The following LNX2 variants were observed in gnomAD, a reference collection of about 807,000 sequenced individuals.
LNX2 encodes ligand of numb-protein X 2.
A neutral mutation model predicts 66.2 loss-of-function variants in LNX2; 35 were observed. That is an observed-to-expected ratio of 0.53 (90% CI 0.40 to 0.70). LNX2 has a LOEUF of 0.70. LNX2 is among the 30% of genes least tolerant of loss of function. LNX2 has a pLI of 0.00. For missense variants in LNX2, 791 were observed against 850.8 expected (o/e 0.93, Z 0.87); for synonymous variants, 337 against 315.6 (o/e 1.07, Z -0.72).
chr13:27,548,616 C>T (rs1298907855), intron 9 of LNX2, 146 bp from the exon 10 acceptor site: 1 of 909,588 alleles, frequency 1.1e-6, no homozygotes, highest in Non-Finnish European at 1.6e-6. Flanking sequence ...TTGTCTGGGA[C>T]AGCCCTTAAG....
intron 1 of LNX2, among the ~76,000 whole-genome samples, chr13:27,588,021 C>CAAAAAAAAAAAAAAAAA (rs56812051): frequency 2.2e-4 from 21 of 93,512 alleles, no homozygotes; most frequent in African/African-American, 4.2e-4. Flanking sequence ...ACTCTTGTCA[C>CAAAAAAAAAAAAAAAAA]AAAAAAAAAA....
chr13:27,583,208 G>GCGCGCA lies in LNX2; in HGVS notation c.-100-1406_-100-1405insTGCGCG, dbSNP rs751207599. Among the ~76,000 whole-genome samples, 2 of 18,078 alleles carry GCGCGCA rather than the reference G, an allele frequency of 1.1e-4. 1 individual carries two copies. Among genetic ancestry groups the GCGCGCA allele is most frequent in the African/African-American group, 8.7e-4 (2 of 2,296 alleles). 11.9% of individuals were successfully genotyped at this position (18,078 alleles called of 152,430 possible). ...TGTGTGTGTGTGTGTGTGTGTGTGT[G>GCGCGCA]TGTGTGTGTGTGTGTGTGTGTGTGT... On this transcript the variant is annotated intron_variant, in intron 1 of 9. Transcript: ENST00000316334.
intron 1 of LNX2, among the ~76,000 whole-genome samples, chr13:27,606,841 A>G (rs987870507): frequency 7.9e-5 from 12 of 152,208 alleles, no homozygotes; most frequent in African/African-American, 2.9e-4. Flanking sequence ...TAAAGCAGAA[A>G]TGAGAAAGCA....
chr13:27,602,122 A>C (rs79916734), intron 1 of LNX2, among the ~76,000 whole-genome samples: 6,693 of 152,188 alleles, frequency 0.044, 209 homozygotes, highest in Non-Finnish European at 0.067. Context: ...ATACAAAAAA[A>C]ATGTGCAAAA....
At chr13:27,561,317 ACT>A (rs1270671154) in intron 5 of LNX2, among the ~76,000 whole-genome samples, 1 of 151,660 alleles carries the variant, frequency 6.6e-6, no homozygotes, top group Non-Finnish European at 1.5e-5. Context: ...CTCTCACTTG[ACT>A]CTTTTACTCA....
At chr13:27,568,944 T>C in intron 3 of LNX2, 85 bp downstream of exon 3, 1 of 1,391,574 alleles carries the variant, frequency 7.2e-7, no homozygotes, top group Non-Finnish European at 9.5e-7. Context: ...AATTTTTCTT[T>C]AAAGATGAAA....
chr13:27,548,621 C>G (rs544178951), intron 9 of LNX2, 151 bp from the exon 10 acceptor site: 2 of 866,710 alleles, frequency 2.3e-6, no homozygotes, highest in Admixed American at 3.1e-5. Flanking sequence ...TGGGACAGCC[C>G]TTAAGCCTAT....
At chr13:27,596,740 C>T (rs990009747) in intron 1 of LNX2, among the ~76,000 whole-genome samples, 12 of 152,056 alleles carry the variant, frequency 7.9e-5, no homozygotes, top group African/African-American at 2.7e-4. Context: ...TGAAAATATA[C>T]CTTTGTCTAA....
At chr13:27,551,824 T>G (rs951725047) in intron 8 of LNX2, among the ~76,000 whole-genome samples, 1 of 152,116 alleles carries the variant, frequency 6.6e-6, no homozygotes, top group Non-Finnish European at 1.5e-5. Flanking sequence ...TAATGCTGCA[T>G]CTTCTGAAAC....
chr13:27,581,282 A>G lies in LNX2; in HGVS notation c.407+15T>C, dbSNP rs777811130. On this transcript the variant is annotated intron_variant, in intron 2 of 9. Coordinates refer to ENST00000316334, the MANE Select transcript of LNX2 (RefSeq NM_153371.4). Reference sequence around the variant, plus strand: ...TCCAAAATCTGGAGTTACTTCTTTTATATTTTTTGCTTACCTGTTTTTGAG... The same window carrying G: ...TCCAAAATCTGGAGTTACTTCTTTTGTATTTTTTGCTTACCTGTTTTTGAG... The G allele has an allele frequency of 2.1e-6, 3 of 1,462,044 alleles. No individual in the cohort carries two copies. The highest frequency in any genetic ancestry group is 2.8e-5 in the African/African-American group (2 of 70,914). The allele number at this position is 1,462,044 out of a possible 1,614,324, so 90.6% of individuals were successfully genotyped here.
At chr13:27,619,085 A>C (rs917189718) in intron 1 of LNX2, among the ~76,000 whole-genome samples, 3 of 152,246 alleles carry the variant, frequency 2.0e-5, no homozygotes, top group African/African-American at 7.2e-5. Context: ...AAAATTTCAA[A>C]GTTGATGAGA....
intron 2 of LNX2, among the ~76,000 whole-genome samples, chr13:27,573,443 T>TAAAA (rs60543818): frequency 1.4e-5 from 2 of 146,806 alleles, no homozygotes; most frequent in African/African-American, 5.0e-5. Context: ...AAGCATTGGT[T>TAAAA]AAAAAAAAAA....
At chr13:27,589,257 T>C (rs879602006) in intron 1 of LNX2, among the ~76,000 whole-genome samples, 1 of 152,250 alleles carries the variant, frequency 6.6e-6, no homozygotes. Flanking sequence ...TCTGGATATT[T>C]AGCTGCATAG....
intron 5 of LNX2, among the ~76,000 whole-genome samples, chr13:27,561,900 T>C (rs1955140031): frequency 1.3e-5 from 2 of 152,254 alleles, no homozygotes; most frequent in South Asian, 2.1e-4. Context: ...TCCTTACTTA[T>C]GTCACAAAGA....
chr13:27,554,230 T>A (rs533535998), intron 7 of LNX2, among the ~76,000 whole-genome samples: 2 of 152,334 alleles, frequency 1.3e-5, no homozygotes, highest in East Asian at 3.9e-4. Context: ...ACCCCAATAC[T>A]ACAACTGGAC....
Position 27,562,546 on chromosome 13 carries a change from A to G in LNX2, c.1091T>C (p.Val364Ala). ...CCCTTCCAACAGGTCAAGAATAAAA[A>G]CCCCTGGCTCATCTGTCCTTCGCAC... Reference protein sequence around the residue: ...KLVRRTDEPGVFILDLLEGGL... With the variant: ...KLVRRTDEPGAFILDLLEGGL... The change falls in exon 5 of 10, where the codon GTT (valine) becomes GCT (alanine). Residue 364 changes from valine to alanine, a missense_variant. Coordinates refer to ENST00000316334, the MANE Select transcript of LNX2 (RefSeq NM_153371.4). The G allele has an allele frequency of 6.2e-7, 1 of 1,613,872 alleles. No individual in the cohort carries two copies. The highest frequency in any genetic ancestry group is 8.5e-7 in the Non-Finnish European group (1 of 1,179,966).
At chr13:27,589,675 T>C (rs907168212) in intron 1 of LNX2, among the ~76,000 whole-genome samples, 1 of 152,218 alleles carries the variant, frequency 6.6e-6, no homozygotes, top group Admixed American at 6.5e-5. Flanking sequence ...GTTACCTGCC[T>C]GATTCCTACA....
At chr13:27,565,722 G>C (rs750044110) in intron 4 of LNX2, among the ~76,000 whole-genome samples, 4 of 152,278 alleles carry the variant, frequency 2.6e-5, no homozygotes, top group South Asian at 2.1e-4. Flanking sequence ...AACACTGTTT[G>C]AAAGCTCAGT....
rs1555268488 is a variant in LNX2 at position 27,583,224 on chromosome 13, G to GTGCGCGCGCGTCCTCTCCTATATAACTT, written c.-100-1422_-100-1421insAAGTTATATAGGAGAGGACGCGCGCGCA. On this transcript the variant is annotated intron_variant, in intron 1 of 9. Transcript: ENST00000316334. Reference sequence around the variant, plus strand: ...TGTGTGTGTGTGTGTGTGTGTGTGTGTGTGTGTGTGTGTGTGTGTGTGTGT... The same window carrying GTGCGCGCGCGTCCTCTCCTATATAACTT: ...TGTGTGTGTGTGTGTGTGTGTGTGTGTGCGCGCGCGTCCTCTCCTATATAACTTTGTGTGTGTGTGTGTGTGTGTGTGT... 6.9e-3 allele frequency among the ~76,000 whole-genome samples: 183 copies of GTGCGCGCGCGTCCTCTCCTATATAACTT among 26,378 alleles called. 24 individuals are homozygous for GTGCGCGCGCGTCCTCTCCTATATAACTT. The highest frequency in any genetic ancestry group is 0.022 in the African/African-American group (72 of 3,284). 17.3% of individuals were successfully genotyped at this position (26,378 alleles called of 152,430 possible).
Sources: gnomAD v4.1 joint callset for allele counts (sites outside exome capture counted in the v4.1 genomes callset) on GRCh38, gnomAD v4.1.1 for gene constraint, MANE v1.5 for transcripts, NCBI Gene and HGNC (gene_info 2026-07-23, HGNC 2026-07-21) for gene names.